The following MRPL54 variants were observed in gnomAD, a reference collection of about 807,000 sequenced individuals.
MRPL54 encodes the protein large ribosomal subunit protein mL54.
MRPL54 carries 12 observed loss-of-function variants against 15.6 expected under a neutral mutation model. The ratio of observed to expected loss-of-function variants is 0.77; its 90% CI spans 0.49 to 1.24. The LOEUF (loss-of-function observed/expected upper bound fraction) is 1.24. Ranked by LOEUF, MRPL54 falls within the 50% of genes most tolerant of loss-of-function variation. The pLI is 0.00. For missense variants in MRPL54, 178 were observed against 186.8 expected (o/e 0.95, Z 0.28); for synonymous variants, 91 against 75.7 (o/e 1.20, Z -1.05).
chr19:3,766,130 G>A (rs1454326406), intron 2 of MRPL54, among the ~76,000 whole-genome samples: 1 of 148,540 alleles, frequency 6.7e-6, no homozygotes, highest in Non-Finnish European at 1.5e-5. Context: ...AGGCTGGAGT[G>A]CAGTGGTGTG....
intron 2 of MRPL54, 138 bp downstream of exon 2, chr19:3,765,469 G>C: frequency 1.2e-6 from 1 of 854,182 alleles, no homozygotes; most frequent in Non-Finnish European, 1.8e-6. Context: ...TAGGGCAGGG[G>C]GCTTCAGGGC....
At chr19:3,762,848 G>A (rs372008528) in intron 1 of MRPL54, 30 bp downstream of exon 1, 27 of 1,501,648 alleles carry the variant, frequency 1.8e-5, no homozygotes, top group Non-Finnish European at 2.3e-5. Flanking sequence ...ACCAAATGGG[G>A]ACGGTGGGTG....
At chr19:3,764,585 T>G (rs1158455250) in intron 1 of MRPL54, among the ~76,000 whole-genome samples, 32 of 151,554 alleles carry the variant, frequency 2.1e-4, no homozygotes, top group African/African-American at 7.5e-4. Flanking sequence ...TTTTTTTTTT[T>G]GTATTTTTAG....
chr19:3,765,641 G>A (rs1257510842), intron 2 of MRPL54, among the ~76,000 whole-genome samples: 1 of 152,092 alleles, frequency 6.6e-6, no homozygotes, highest in Non-Finnish European at 1.5e-5. Flanking sequence ...GCTCACACCT[G>A]TAATCCCAGC....
chr19:3,763,328 AGGGGGAAATTGTCCAATGTTCG>A (rs2037168586), intron 1 of MRPL54, among the ~76,000 whole-genome samples: 1 of 152,250 alleles, frequency 6.6e-6, no homozygotes, highest in Non-Finnish European at 1.5e-5. Context: ...CTTTGTTGAA[AGGGGGAAATTGTCCAATGTTCG>A]GCCTTAAAGA....
At chr19:3,764,104 G>T (rs930884206) in intron 1 of MRPL54, among the ~76,000 whole-genome samples, 1 of 151,362 alleles carries the variant, frequency 6.6e-6, no homozygotes, top group African/African-American at 2.4e-5. Flanking sequence ...TTCTTCAGAC[G>T]GAGTCTCGCT....
chr19:3,766,451 T>G (rs1199596771), intron 2 of MRPL54, among the ~76,000 whole-genome samples: 1 of 152,138 alleles, frequency 6.6e-6, no homozygotes, highest in African/African-American at 2.4e-5. Flanking sequence ...TGACCTCAGG[T>G]GATCCGCCCA....
In MRPL54 at chr19:3,765,349, T is replaced by G. The variant is rs1251044280; in HGVS notation, c.284+18T>G. On this transcript the variant is annotated intron_variant, in intron 2 of 2. Transcript: ENST00000330133. ...CCTGAATGGTGAGTAGGCCAGGCTG[T>G]GTCATCCTGCAATGACTATTCCTTC... 1.2e-6 allele frequency: 2 copies of G among 1,611,872 alleles called. No individual in the cohort carries two copies. Among genetic ancestry groups the G allele is most frequent in the Admixed American group, 3.4e-5 (2 of 59,434 alleles).
rs185534046 is a variant in MRPL54 at position 3,764,900 on chromosome 19, C to T, written c.119-266C>T. ...AAAATTAGCTGGGCGTGGTGGTGGG[C>T]GCCTGTAGTCCCAGCTACTTGGGAG... is the stretch of plus-strand genomic sequence containing the variant. On this transcript the variant is annotated intron_variant, in intron 1 of 2. Transcript: ENST00000330133. Among the ~76,000 whole-genome samples the T allele has an allele frequency of 8.4e-4, 128 of 151,776 alleles. 1 individual carries two copies. Among genetic ancestry groups the T allele is most frequent in the Middle Eastern group, 6.8e-3 (2 of 292 alleles).
chr19:3,766,821 G>A (rs562919831), intron 2 of MRPL54, among the ~76,000 whole-genome samples: 2 of 152,318 alleles, frequency 1.3e-5, no homozygotes, highest in African/African-American at 4.8e-5. Flanking sequence ...GGGCAGGACC[G>A]CACCTGGTGT....
In MRPL54 at chr19:3,767,277, T is replaced by G; in HGVS notation, c.301T>G (p.Leu101Val). The G allele has an allele frequency of 6.2e-7, 1 of 1,612,608 alleles. No homozygotes were observed. The change falls in exon 3 of 3, where the codon TTG becomes GTG. Residue 101 changes from leucine (L) to valine (V), a missense_variant. Leu to Val is a conservative substitution (Grantham distance 32, BLOSUM62 1). Transcript: ENST00000330133. The part of the protein sequence containing the change: ...EYPEWLFEMN[L>V]GPPKTLEELD... Reference sequence around the variant, plus strand: ...CCCCGTCAGGCTGTTCGAGATGAACTTGGGTCCCCCAAAGACCCTGGAGGA... The same window carrying G: ...CCCCGTCAGGCTGTTCGAGATGAACGTGGGTCCCCCAAAGACCCTGGAGGA...
intron 1 of MRPL54, among the ~76,000 whole-genome samples, chr19:3,764,465 C>T (rs1028271831): frequency 1.3e-4 from 19 of 147,104 alleles, no homozygotes; most frequent in Non-Finnish European, 2.1e-4. Context: ...TGGAGTGCAG[C>T]GATGCGATCT....
intron 1 of MRPL54, among the ~76,000 whole-genome samples, chr19:3,764,959 C>T (rs2145731344): frequency 6.6e-6 from 1 of 150,788 alleles, no homozygotes; most frequent in Admixed American, 6.6e-5. Context: ...ACCCGGGAGG[C>T]GGAGCTTGCA....
chr19:3,764,806 A>T (rs1321215391), intron 1 of MRPL54, among the ~76,000 whole-genome samples: 3 of 151,788 alleles, frequency 2.0e-5, no homozygotes, highest in African/African-American at 7.2e-5. Flanking sequence ...AGGTGGGCAG[A>T]TCACGAGGTC....
At chr19:3,766,465 C>T (rs184331748) in intron 2 of MRPL54, among the ~76,000 whole-genome samples, 51 of 152,040 alleles carry the variant, frequency 3.4e-4, no homozygotes, top group Admixed American at 1.1e-3. Context: ...CCGCCCACCT[C>T]GGCCTCCCAA....
intron 2 of MRPL54, 124 bp downstream of exon 2, chr19:3,765,455 G>C: frequency 9.4e-7 from 1 of 1,061,978 alleles, no homozygotes; most frequent in Non-Finnish European, 1.4e-6. Context: ...ACCCATCCTG[G>C]CTTTAGGGCA....
chr19:3,766,639 A>G (rs1239948905), intron 2 of MRPL54, among the ~76,000 whole-genome samples: 1 of 152,208 alleles, frequency 6.6e-6, no homozygotes, highest in Non-Finnish European at 1.5e-5. Context: ...GACAGGAAGG[A>G]GGAAGTCAGG....
chr19:3,767,347 A>C lies in MRPL54; in HGVS notation c.371A>C (p.Gln124Pro). ...GAGTACTGGCGGCGGCTGCGGAAAC[A>C]GAACATCTGGCGCCACAACCGGCTG... ...SREYWRRLRK[Q>P]NIWRHNRLSK... The change falls in exon 3 of 3, where the codon CAG (glutamine) becomes CCG (proline). Residue 124 changes from glutamine to proline, a missense_variant. Gln to Pro is a moderately conservative substitution (Grantham distance 76). Transcript: ENST00000330133. The C allele has an allele frequency of 1.9e-6, 3 of 1,610,458 alleles. No homozygotes were observed. The highest frequency in any genetic ancestry group is 2.5e-6 in the Non-Finnish European group (3 of 1,178,636).
At chr19:3,765,839 A>G (rs1245999547) in intron 2 of MRPL54, among the ~76,000 whole-genome samples, 2 of 150,998 alleles carry the variant, frequency 1.3e-5, no homozygotes, top group African/African-American at 4.9e-5. Flanking sequence ...CAGAGGTTGC[A>G]GTGAGCTGAG....
Sources: allele counts gnomAD v4.1 joint callset (sites outside exome capture counted in the v4.1 genomes callset), GRCh38; gene constraint gnomAD v4.1.1; transcripts MANE v1.5; gene names NCBI Gene and HGNC (gene_info 2026-07-23, HGNC 2026-07-21).